The following TREH variants were observed in gnomAD, a reference collection of about 807,000 sequenced individuals.
The protein encoded by TREH is trehalase, also known as alpha,alpha-trehalose glucohydrolase.
TREH carries 69 observed loss-of-function variants against 80.5 expected under a neutral mutation model. That is an observed-to-expected ratio of 0.86 (90% CI 0.71 to 1.05). The LOEUF is 1.05. Ranked by LOEUF, TREH falls within the 50% of genes least tolerant of loss-of-function variation. The pLI, the probability that TREH is intolerant of heterozygous loss-of-function variation, is 0.00. For synonymous variants in TREH, 309 were observed against 293.5 expected (o/e 1.05, Z -0.54); for missense variants, 716 against 718.8 (o/e 1.00, Z 0.04).
chr11:118,663,543 G>A, intron 1 of TREH, 104 bp from the exon 2 acceptor site: 1 of 938,134 alleles, frequency 1.1e-6, no homozygotes. Context: ...ATGTTCCCTG[G>A]GACTGGACAA....
rs1419159606 is a variant in TREH at position 118,674,074 on chromosome 11, T to C, written c.89+5465A>G. ...GGAGCTTGTTCCTGATCCAGCCATT[T>C]CCATTTCATTATGGAACTCTTCTGG... is the stretch of plus-strand genomic sequence containing the variant. On this transcript the variant is annotated intron_variant, in intron 1 of 14. Transcript: ENST00000264029. The surrounding 1 kb of genome is among the most constrained non-coding windows in gnomAD (Gnocchi z 4.4). Among the ~76,000 whole-genome samples, 2 of 152,242 alleles carry C rather than the reference T, an allele frequency of 1.3e-5. No individual in the cohort carries two copies. The highest frequency in any genetic ancestry group is 2.9e-5 in the Non-Finnish European group (2 of 68,042).
intron 12 of TREH, 67 bp from the exon 13 acceptor site, chr11:118,659,084 C>T (rs1314645136): frequency 1.4e-6 from 2 of 1,476,336 alleles, no homozygotes; most frequent in African/African-American, 1.4e-5. Context: ...GTGGCTGCAC[C>T]CTACTCTCCC....
chr11:118,676,735 TGC>T (rs1949483344), intron 1 of TREH, among the ~76,000 whole-genome samples: 1 of 150,126 alleles, frequency 6.7e-6, no homozygotes, highest in African/African-American at 2.5e-5. Flanking sequence ...ACCACTGCAC[TGC>T]CAGCCTGGGC....
chr11:118,668,461 G>T (rs4457789), intron 1 of TREH, among the ~76,000 whole-genome samples: 47,431 of 125,178 alleles, frequency 0.38, 7,995 homozygotes, highest in Admixed American at 0.53. Context: ...TGCTTGGGAG[G>T]CTGAGGTGGC....
chr11:118,666,918 T>C (rs1949383293), intron 1 of TREH, among the ~76,000 whole-genome samples: 1 of 152,176 alleles, frequency 6.6e-6, no homozygotes, highest in Non-Finnish European at 1.5e-5. Context: ...GTTTTGCTCT[T>C]GTTGCCCAGG....
chr11:118,677,703 G>T (rs191836852), intron 1 of TREH, among the ~76,000 whole-genome samples: 2 of 152,096 alleles, frequency 1.3e-5, no homozygotes, highest in African/African-American at 4.8e-5. Flanking sequence ...CCAACCTGGC[G>T]ACAGAGCGAG....
intron 1 of TREH, among the ~76,000 whole-genome samples, chr11:118,666,325 A>G (rs1949377594): frequency 6.6e-6 from 1 of 152,222 alleles, no homozygotes; most frequent in East Asian, 1.9e-4. Flanking sequence ...AATGAGGGGA[A>G]TCCAATATCA....
chr11:118,666,930 T>A (rs1949383400), intron 1 of TREH, among the ~76,000 whole-genome samples: 1 of 152,222 alleles, frequency 6.6e-6, no homozygotes, highest in Non-Finnish European at 1.5e-5. Context: ...TTGCCCAGGC[T>A]GGAGTACAAT....
At position 118,658,682 on chromosome 11, in the gene TREH, G is replaced by A; in HGVS notation, c.1597C>T (p.Gln533Ter). 6.3e-7 allele frequency: 1 copy of A among 1,592,896 alleles called. No homozygotes were observed. Among genetic ancestry groups the A allele is most frequent in the Non-Finnish European group, 8.6e-7 (1 of 1,169,572 alleles). ...QPGGGGEYEVQEGFGWTNGVV... is the reference protein window; with the variant it reads ...QPGGGGEYEV ...CAGCCCACCCCTGGCCTGCTCACCT[G>A]AACTTCATATTCTCCTCCCCCACCG... Residue 533 changes from glutamine to a stop codon, truncating the protein, a stop_gained and splice_region_variant, in exon 14 of 15, where the codon CAG becomes TAG. Transcript: ENST00000264029. LOFTEE classifies it low-confidence loss of function (END_TRUNC).
At position 118,679,522 on chromosome 11, in the gene TREH, CT is replaced by C; in HGVS notation, c.89+16del. The C allele has an allele frequency of 6.8e-7, 1 of 1,474,434 alleles. No homozygotes were observed. Among genetic ancestry groups the C allele is most frequent in the Non-Finnish European group, 9.0e-7 (1 of 1,107,444 alleles). 91.3% of individuals were successfully genotyped at this position (1,474,434 alleles called of 1,614,324 possible). ...TCTTATTGCCATCCTCCCCTGCTGC[CT>C]TCCCCACACCCCTACCTCTCACAGG... On this transcript the variant is annotated intron_variant, in intron 1 of 14. Transcript: ENST00000264029.
chr11:118,675,789 C>T (rs1949472395), intron 1 of TREH, among the ~76,000 whole-genome samples: 2 of 19,594 alleles, frequency 1.0e-4, no homozygotes, highest in Admixed American at 1.4e-3. Flanking sequence ...CTGCAACCTC[C>T]ACCTCCCAGG....
intron 1 of TREH, among the ~76,000 whole-genome samples, chr11:118,665,575 G>T (rs1024224406): frequency 4.6e-5 from 7 of 152,170 alleles, no homozygotes; most frequent in Middle Eastern, 6.3e-3. Context: ...GGGAGGCAGA[G>T]CTTGCAGTGA....
chr11:118,668,946 A>ATAAAACTCTAT (rs1949406084), intron 1 of TREH, among the ~76,000 whole-genome samples: 1 of 152,188 alleles, frequency 6.6e-6, no homozygotes, highest in Non-Finnish European at 1.5e-5. Context: ...TAAGGAGCTC[A>ATAAAACTCTAT]TAAAACTCTA....
At position 118,661,780 on chromosome 11, in the gene TREH, A is replaced by T; in HGVS notation, c.525-51T>A. On this transcript the variant is annotated intron_variant, in intron 5 of 14. Coordinates refer to ENST00000264029, the MANE Select transcript of TREH (RefSeq NM_007180.3). The surrounding 1 kb of genome is among the most constrained non-coding windows in gnomAD (Gnocchi z 4.2). Reference sequence around the variant, plus strand: ...ACCCTGCTGCCTCCCTCTGCCCTGCACACCAGCCAGTGGGGCACTCTGCCC... The same window carrying T: ...ACCCTGCTGCCTCCCTCTGCCCTGCTCACCAGCCAGTGGGGCACTCTGCCC... 1.2e-6 allele frequency: 2 copies of T among 1,608,130 alleles called. No homozygotes were observed. Among genetic ancestry groups the T allele is most frequent in the South Asian group, 2.2e-5 (2 of 90,932 alleles).
intron 13 of TREH, 24 bp downstream of exon 13, chr11:118,658,881 C>T (rs782803108): frequency 6.2e-7 from 1 of 1,612,906 alleles, no homozygotes; most frequent in Non-Finnish European, 8.5e-7. Context: ...CCTGGGGGTG[C>T]AGGGAGGGCT....
intron 1 of TREH, among the ~76,000 whole-genome samples, chr11:118,672,680 T>C (rs1410963379): frequency 1.0e-5 from 1 of 100,412 alleles, no homozygotes; most frequent in Non-Finnish European, 1.8e-5. Context: ...GCCACTGCAC[T>C]CCAGCCTGGG....
chr11:118,671,707 A>G (rs1351878175), intron 1 of TREH, among the ~76,000 whole-genome samples: 1 of 152,192 alleles, frequency 6.6e-6, no homozygotes, highest in Non-Finnish European at 1.5e-5. Flanking sequence ...GTTATAGAAC[A>G]CCAAGCAGAT....
chr11:118,659,693 C>G, intron 11 of TREH, 54 bp downstream of exon 11: 3 of 1,540,498 alleles, frequency 1.9e-6, no homozygotes, highest in Admixed American at 2.0e-5. Flanking sequence ...TGTTCAGGGT[C>G]GGGAGGGGGC....
In TREH at chr11:118,660,242, G is replaced by T. The variant is rs183789771; in HGVS notation, c.1103-278C>A. On this transcript the variant is annotated intron_variant, in intron 10 of 14. Transcript: ENST00000264029. ...GGTGGATTCCCCTAGCTCTTAGGGG[G>T]TCAAGGGCAGCTGTCTGAGGGAGAG... Among the ~76,000 whole-genome samples, 141 of 152,316 alleles carry T rather than the reference G, an allele frequency of 9.3e-4. 1 individual carries two copies. The East Asian group carries it at 0.018, about 19-fold the overall frequency.
Sources: gnomAD v4.1 joint callset for allele counts (sites outside exome capture counted in the v4.1 genomes callset) on GRCh38, gnomAD v4.1.1 for gene constraint, Gnocchi (gnomAD v3.1) non-coding constraint, MANE v1.5 for transcripts, NCBI Gene and HGNC (gene_info 2026-07-23, HGNC 2026-07-21) for gene names.